CLK2: variants seen among roughly 807,000 people sequenced by gnomAD.
The protein encoded by CLK2 is dual specificity protein kinase CLK2.
A neutral mutation model predicts 73.5 loss-of-function variants in CLK2; 12 were observed. That is an observed-to-expected ratio of 0.16 (90% confidence interval 0.10 to 0.26). The LOEUF is 0.26. Among genes scored for constraint, CLK2 ranks in the 10% least tolerant of loss-of-function variants. The pLI, the probability that CLK2 is intolerant of heterozygous loss-of-function variation, is 1.00. For synonymous variants in CLK2, 232 were observed against 237.9 expected (o/e 0.98, Z 0.23); for missense variants, 509 against 688.4 (o/e 0.74, Z 2.92).
At chr1:155,269,445 C>T (rs760453049) in intron 3 of CLK2, 43 bp downstream of exon 3, 4 of 1,556,600 alleles carry the variant, frequency 2.6e-6, no homozygotes, top group African/African-American at 1.4e-5. Context: ...CCTAGAGGGC[C>T]TGCAGAAGAG....
At position 155,264,791 on chromosome 1, in the gene CLK2, AAG is replaced by A; in HGVS notation, c.934-19_934-18del. 6.2e-7 allele frequency: 1 copy of A among 1,613,606 alleles called. No homozygotes were observed. The highest frequency in any genetic ancestry group is 1.1e-5 in the South Asian group (1 of 91,064). On this transcript the variant is annotated intron_variant, in intron 8 of 12. Transcript: ENST00000368361. Reference sequence around the variant, plus strand: ...ATCTCGCTTCTAGGAGCAGAGGAGAAAGAGGATGAACCTCTGCACCCAGACTG... The same window carrying A: ...ATCTCGCTTCTAGGAGCAGAGGAGAAAGGATGAACCTCTGCACCCAGACTG...
Position 155,266,883 on chromosome 1 carries a change from C to T in CLK2, c.684G>A (p.Gln228=), listed in dbSNP as rs755753998. 1.2e-6 allele frequency: 2 copies of T among 1,613,372 alleles called. No individual in the cohort carries two copies. The highest frequency in any genetic ancestry group is 2.2e-5 in the East Asian group (1 of 44,834). The stretch of plus-strand genomic sequence containing the variant: ...CATGGTAGTCAAACCAGTCAAACAT[C>T]TGGACACAGAGGCTGAGAAGAGAGA... ...KDPDNKNLCV[Q]MFDWFDYHGH... is the part of the protein sequence containing the mutation. Residue 228 remains glutamine, a synonymous_variant, in exon 7 of 13, where the codon CAG becomes CAA. Transcript: ENST00000368361.
At chr1:155,272,528 A>C (rs903641352) in intron 1 of CLK2, among the ~76,000 whole-genome samples, 1 of 152,206 alleles carries the variant, frequency 6.6e-6, no homozygotes, top group African/African-American at 2.4e-5. Context: ...GTGTATGAGA[A>C]TCGCGTATGC....
Position 155,264,658 on chromosome 1 carries a change from T to C in CLK2, c.1050A>G (p.Pro350=), listed in dbSNP as rs374353302. The C allele has an allele frequency of 6.2e-7, 1 of 1,614,134 alleles. No individual in the cohort carries two copies. The highest frequency in any genetic ancestry group is 1.3e-5 in the African/African-American group (1 of 74,948). ...TIVSTRHYRA[P]EVILELGWSQ... ...GCCCTCCCTTACCAAGGATGACTTC[T>C]GGTGCTCGGTAATGGCGAGTGGAGA... Residue 350 remains proline (P), a synonymous_variant, in exon 9 of 13, where the codon CCA becomes CCG. Transcript: ENST00000368361.
intron 2 of CLK2, 39 bp from the exon 3 acceptor site, chr1:155,269,755 G>A (rs1475032360): frequency 6.4e-7 from 1 of 1,560,924 alleles, no homozygotes. Flanking sequence ...TATCTGTTCA[G>A]ATCACATTCC....
At position 155,263,279 on chromosome 1, in the gene CLK2, G is replaced by C; in HGVS notation, c.1439C>G (p.Ala480Gly). 1.2e-6 allele frequency: 2 copies of C among 1,614,166 alleles called. No homozygotes were observed. The highest frequency in any genetic ancestry group is 1.7e-6 in the Non-Finnish European group (2 of 1,180,048). The change falls in exon 13 of 13, where the codon GCC becomes GGC. Residue 480 changes from alanine (A) to glycine (G), a missense_variant. Ala to Gly is a moderately conservative substitution (Grantham distance 60, BLOSUM62 0). Around this residue, in one of 6 missense-constraint regions of CLK2, gnomAD observed 134 missense variants for 146.0 expected, o/e 0.92. Coordinates refer to ENST00000368361, the MANE Select transcript of CLK2 (RefSeq NM_001294338.2). ...LGEALQHPFF[A>G]RLRAEPPNKL... ...GTTGGGCGGCTCAGCCCGAAGGCGG[G>C]CGAAGAAAGGATGCTGAAGGGCTTC...
intron 3 of CLK2, chr1:155,269,204 T>A (rs1174720353): frequency 1.7e-6 from 1 of 587,334 alleles, no homozygotes; most frequent in Non-Finnish European, 3.0e-6. Flanking sequence ...AGGTCCCCAT[T>A]AAAGAGTGGA....
chr1:155,263,086 A>G lies in CLK2; in HGVS notation c.*132T>C. ...TTCTTTCATATTTACACTATTTCAC[A>G]TATTCACAGGTATATAGAGAGCCAG... On this transcript the variant is annotated 3_prime_UTR_variant, in exon 13 of 13. Coordinates refer to ENST00000368361, the MANE Select transcript of CLK2 (RefSeq NM_001294338.2). The G allele has an allele frequency of 1.2e-6, 1 of 805,840 alleles. No individual in the cohort carries two copies. Among genetic ancestry groups the G allele is most frequent in the Non-Finnish European group, 1.9e-6 (1 of 525,650 alleles). 49.9% of individuals were successfully genotyped at this position (805,840 alleles called of 1,614,324 possible). A position where few individuals can be genotyped will look rare whatever the true frequency, so the allele number is the denominator to read the frequency against.
rs1673321372 is a variant in CLK2 at position 155,268,151 on chromosome 1, T to C, written c.555-25A>G. On this transcript the variant is annotated intron_variant, in intron 5 of 12. Coordinates refer to ENST00000368361, the MANE Select transcript of CLK2 (RefSeq NM_001294338.2). This position sits in a 1 kb window ranked among gnomAD's most constrained non-coding sequence, Gnocchi z 5.6. ...CCTGTAAGTTGGCAGGAGAGGCTTT[T>C]GCTGGGTTCTCAAGAATGTCTCAAA... The C allele has an allele frequency of 6.2e-7, 1 of 1,600,366 alleles. No individual in the cohort carries two copies. The highest frequency in any genetic ancestry group is 1.3e-5 in the African/African-American group (1 of 74,630).
intron 3 of CLK2, 40 bp downstream of exon 3, chr1:155,269,448 C>A: frequency 1.3e-6 from 2 of 1,569,192 alleles, no homozygotes; most frequent in Non-Finnish European, 8.8e-7. Context: ...AGAGGGCCTG[C>A]AGAAGAGTGG....
At chr1:155,265,596 A>AATAAATAT (rs1673194708) in intron 8 of CLK2, among the ~76,000 whole-genome samples, 1 of 151,706 alleles carries the variant, frequency 6.6e-6, no homozygotes, top group Admixed American at 6.6e-5. Flanking sequence ...TAAATAAATA[A>AATAAATAT]ATAAATAAAG....
Position 155,266,752 on chromosome 1 carries a change from A to T in CLK2, c.815T>A (p.Phe272Tyr). Residue 272 changes from phenylalanine to tyrosine, a missense_variant, in exon 7 of 13, where the codon TTC becomes TAC. Phe to Tyr is a conservative substitution (Grantham distance 22, BLOSUM62 3). Around this residue, in one of 6 missense-constraint regions of CLK2, gnomAD observed 27 missense variants for 30.5 expected, o/e 0.89. Transcript: ENST00000368361. Reference protein sequence around the residue: ...YPIHQVRHMAFQLCQAVKFLH... With the variant: ...YPIHQVRHMAYQLCQAVKFLH... ...ACACTTGACAGCCTGGCACAGCTGGAAGGCCATGTGGCGCACTTGGTGGAT... is the reference window on the plus strand; with the variant it reads ...ACACTTGACAGCCTGGCACAGCTGGTAGGCCATGTGGCGCACTTGGTGGAT... The T allele has an allele frequency of 6.2e-7, 1 of 1,613,250 alleles. No homozygotes were observed. Among genetic ancestry groups the T allele is most frequent in the Non-Finnish European group, 8.5e-7 (1 of 1,179,714 alleles).
chr1:155,263,475 A>T, intron 12 of CLK2, 75 bp from the exon 13 acceptor site: 1 of 1,559,164 alleles, frequency 6.4e-7, no homozygotes, highest in South Asian at 1.2e-5. Flanking sequence ...CCTACCTTTC[A>T]TTCTTGGAGA....
chr1:155,271,541 C>T (rs950225387), intron 1 of CLK2, among the ~76,000 whole-genome samples: 2 of 152,124 alleles, frequency 1.3e-5, no homozygotes, highest in Non-Finnish European at 2.9e-5. Flanking sequence ...GTGTTCTATC[C>T]TTATTTTCTT....
At chr1:155,263,726 T>C (rs1673094929) in intron 12 of CLK2, 1 of 985,406 alleles carries the variant, frequency 1.0e-6, no homozygotes, top group Non-Finnish European at 1.2e-6. Flanking sequence ...ATCCAGGACA[T>C]TGCTTTGATC....
In CLK2 at chr1:155,264,316, A is replaced by G. The variant is rs755196358; in HGVS notation, c.1147-16T>C. The G allele has an allele frequency of 4.3e-6, 7 of 1,614,158 alleles. No individual in the cohort carries two copies. Among genetic ancestry groups the G allele is most frequent in the Non-Finnish European group, 5.9e-6 (7 of 1,179,968 alleles). On this transcript the variant is annotated splice_polypyrimidine_tract_variant and intron_variant, in intron 10 of 12. Transcript: ENST00000368361. ...TGTCATGGGTCTGGGAAACAAAAAC[A>G]GAACTGAGCATGGGACTGAAAAGGG...
intron 2 of CLK2, 81 bp from the exon 3 acceptor site, chr1:155,269,797 G>T: frequency 7.7e-7 from 1 of 1,297,606 alleles, no homozygotes; most frequent in Non-Finnish European, 1.1e-6. Context: ...TCCTGCCTTA[G>T]TGAGGACAAA....
At chr1:155,263,818 G>T in intron 12 of CLK2, 132 bp downstream of exon 12, 1 of 1,398,718 alleles carries the variant, frequency 7.1e-7, no homozygotes. Context: ...GTTGACCAAA[G>T]ATGTCTTCTT....
intron 2 of CLK2, 59 bp from the exon 3 acceptor site, chr1:155,269,775 C>T (rs1273496573): frequency 6.7e-7 from 1 of 1,490,720 alleles, no homozygotes; most frequent in Middle Eastern, 1.7e-4. Flanking sequence ...CCTACCATAC[C>T]CTGTGACAAG....
Sources: gnomAD v4.1 joint callset for allele counts (sites outside exome capture counted in the v4.1 genomes callset) on GRCh38, gnomAD v4.1.1 for gene constraint, gnomAD v4.1.1 regional missense constraint, Gnocchi (gnomAD v3.1) non-coding constraint, MANE v1.5 for transcripts, NCBI Gene and HGNC (gene_info 2026-07-23, HGNC 2026-07-21) for gene names.